Variants in TNK2 observed in about 807,000 individuals in gnomAD.
TNK2 encodes tyrosine kinase non receptor 2.
TNK2 carries 83 observed loss-of-function variants against 101.8 expected under a neutral mutation model. The ratio of observed to expected loss-of-function variants is 0.82; its 90% CI spans 0.68 to 0.98. The LOEUF (loss-of-function observed/expected upper bound fraction) is 0.98. Among genes scored for constraint, TNK2 ranks in the 50% least tolerant of loss-of-function variants. TNK2 has a pLI of 0.00. For synonymous variants in TNK2, 804 were observed against 633.0 expected (o/e 1.27, Z -4.06); for missense variants, 1,665 against 1,483.2 (o/e 1.12, Z -2.01).
chr3:195,885,129 C>T lies in TNK2; in HGVS notation c.235-96G>A, dbSNP rs936556102. 12 of 1,312,070 alleles carry T rather than the reference C, an allele frequency of 9.1e-6. No individual in the cohort carries two copies. Among genetic ancestry groups the T allele is most frequent in the Admixed American group, 2.8e-5 (1 of 36,152 alleles). 81.3% of individuals were successfully genotyped at this position (1,312,070 alleles called of 1,614,324 possible). On this transcript the variant is annotated intron_variant, in intron 3 of 15. Transcript: ENST00000672887. The surrounding 1 kb of genome is among the most constrained non-coding windows in gnomAD (Gnocchi z 4.7). ...GGGTCCACCTGGTGATCCCCGGCTT[C>T]GGCTTCCAGATAGGTCCTGGTTTTG...
rs986308624 is a variant in TNK2, at chr3:195,907,129, G to A, written c.-19+1356C>T. On this transcript the variant is annotated intron_variant, in intron 1 of 15. Coordinates refer to ENST00000672887, the MANE Select transcript of TNK2 (RefSeq NM_001382273.1). ...CAAAAACGCCGACCTGAAATAAGTAGGTGAAGATTGTGTGTATGTGTTTAA... is the reference window on the plus strand; with the variant it reads ...CAAAAACGCCGACCTGAAATAAGTAAGTGAAGATTGTGTGTATGTGTTTAA... Among the ~76,000 whole-genome samples the A allele has an allele frequency of 2.0e-5, 3 of 152,220 alleles. No homozygotes were observed. The East Asian group carries it at 5.8e-4, about 29-fold the overall frequency.
At chr3:195,897,342 A>C (rs1174000162) in intron 1 of TNK2, among the ~76,000 whole-genome samples, 1 of 152,212 alleles carries the variant, frequency 6.6e-6, no homozygotes, top group Non-Finnish European at 1.5e-5. Context: ...GGAGTGATTC[A>C]GACACACGCC....
chr3:195,866,772 A>G lies in TNK2; in HGVS notation c.3161+117T>C, dbSNP rs1741147867. ...GAGCGCCTCCCTCCCGCAGCTGGAGAGCTGTGTCTCCCTGGCCGGGAGCGG... is the reference window on the plus strand; with the variant it reads ...GAGCGCCTCCCTCCCGCAGCTGGAGGGCTGTGTCTCCCTGGCCGGGAGCGG... On this transcript the variant is annotated intron_variant, in intron 15 of 15. Transcript: ENST00000672887. The G allele has an allele frequency of 1.7e-5, 24 of 1,418,350 alleles. No homozygotes were observed. The South Asian group carries it at 3.2e-4, about 19-fold the overall frequency. The allele number at this position is 1,418,350 out of a possible 1,614,324, so 87.9% of individuals were successfully genotyped here.
intron 1 of TNK2, among the ~76,000 whole-genome samples, chr3:195,891,540 CAGGCGTCGTGGCTTTCCGGA>C (rs1433343876): frequency 1.3e-5 from 2 of 152,208 alleles, no homozygotes; most frequent in African/African-American, 4.8e-5. Flanking sequence ...TTAAGAGGAC[CAGGCGTCGTGGCTTTCCGGA>C]AGCAAGCCCA....
Position 195,893,564 on chromosome 3 carries a change from C to T in TNK2, c.-18-4958G>A, listed in dbSNP as rs77456141. ...GCCTAGAGACACTCCATCAAGCCCC[C>T]GTGGGGCCCTCATGTTTCTAGAACT... On this transcript the variant is annotated intron_variant, in intron 1 of 15. Transcript: ENST00000672887. Among the ~76,000 whole-genome samples the T allele has an allele frequency of 8.6e-3, 1,307 of 152,232 alleles. 16 individuals are homozygous for T. Among genetic ancestry groups the T allele is most frequent in the Middle Eastern group, 0.037 (11 of 294 alleles).
Position 195,867,903 on chromosome 3 carries a change from G to A in TNK2, c.2395C>T (p.Leu799=), listed in dbSNP as rs766464064. Residue 799 remains leucine, a synonymous_variant, in exon 13 of 16, where the codon CTG becomes TTG. Transcript: ENST00000672887. The stretch of plus-strand genomic sequence containing the variant: ...GGTGTCCTCGAGCCTTGAGGGGACA[G>A]GGGCTCCCGCGGAGGCACCCGGGGA... The part of the protein sequence containing the change: ...SPPRVPPREP[L]SPQGSRTPSP... The A allele has an allele frequency of 6.5e-7, 1 of 1,532,234 alleles. No individual in the cohort carries two copies. 94.9% of individuals were successfully genotyped at this position (1,532,234 alleles called of 1,614,324 possible).
In TNK2 at chr3:195,890,111, T is replaced by C. The variant is rs979413117; in HGVS notation, c.-18-1505A>G. Among the ~76,000 whole-genome samples the C allele has an allele frequency of 2.6e-5, 4 of 152,186 alleles. No individual in the cohort carries two copies. The East Asian group carries it at 5.8e-4, about 22-fold the overall frequency. On this transcript the variant is annotated intron_variant, in intron 1 of 15. Transcript: ENST00000672887. ...AGTAACAAAGGGGAATGAGAAACTC[T>C]CAGTTCAAATCCTGGCTCTTCCACC...
At chr3:195,894,964 C>G (rs1760013881) in intron 1 of TNK2, among the ~76,000 whole-genome samples, 1 of 152,234 alleles carries the variant, frequency 6.6e-6, no homozygotes, top group African/African-American at 2.4e-5. Context: ...AAGACTGAAC[C>G]CCAATCCTAG....
rs1755417719 is a variant in TNK2, at chr3:195,885,970, T to C, written c.235-937A>G. The C allele has an allele frequency of 5.4e-6, 1 of 186,424 alleles. No individual in the cohort carries two copies. Among genetic ancestry groups the C allele is most frequent in the South Asian group, 1.0e-4 (1 of 9,786 alleles). The allele number at this position is 186,424 out of a possible 1,614,324, so 11.5% of individuals were successfully genotyped here. Reference sequence around the variant, plus strand: ...TCCTCCCAGTAACTAGAATTCCTTATGTTTGCAAGCAATGTTCAGGTTACA... The same window carrying C: ...TCCTCCCAGTAACTAGAATTCCTTACGTTTGCAAGCAATGTTCAGGTTACA... On this transcript the variant is annotated intron_variant, in intron 3 of 15. Coordinates refer to ENST00000672887, the MANE Select transcript of TNK2 (RefSeq NM_001382273.1). This position sits in a 1 kb window ranked among gnomAD's most constrained non-coding sequence, Gnocchi z 4.7.
chr3:195,868,020 T>C lies in TNK2; in HGVS notation c.2278A>G (p.Ile760Val), dbSNP rs777729121. ...DKPQVPPRVPIPPRPTRPHVQ... is the reference protein window; with the variant it reads ...DKPQVPPRVPVPPRPTRPHVQ... ...TGTGGGCGCGTGGGCCGAGGGGGGA[T>C]GGGTACCCGAGGAGGCACCTGGGGC... Residue 760 changes from isoleucine to valine, a missense_variant, in exon 13 of 16, where the codon ATC becomes GTC. Ile to Val is a conservative substitution (Grantham distance 29). Around this residue, in one of 3 missense-constraint regions of TNK2, gnomAD observed 1,136 missense variants for 894.9 expected, o/e 1.27. Transcript: ENST00000672887. 7 of 1,582,616 alleles carry C rather than the reference T, an allele frequency of 4.4e-6. No individual in the cohort carries two copies. In the South Asian group the frequency reaches 4.5e-5, roughly 10 times the overall value.
rs1323410135 is a variant in TNK2, at chr3:195,866,959, C to G, written c.3091G>C (p.Glu1031Gln). Residue 1031 changes from glutamate (E) to glutamine (Q), a missense_variant, in exon 15 of 16, where the codon GAG becomes CAG. This residue lies in a region of TNK2 where 1,136 missense variants were observed against 894.9 expected (regional missense o/e 1.27). Transcript: ENST00000672887. ...RPRGECHKVL[E>Q]MFDWNLEQAG... ...TGCTCCAGGTTCCAGTCGAACATCT[C>G]CAGCACTTTGTGGCACTCCCCTCTG... The G allele has an allele frequency of 2.5e-6, 4 of 1,613,162 alleles. No individual in the cohort carries two copies. The highest frequency in any genetic ancestry group is 3.4e-6 in the Non-Finnish European group (4 of 1,179,866).
At position 195,883,137 on chromosome 3, in the gene TNK2, C is replaced by G; in HGVS notation, c.609+20G>C. ...CCGGAGCCCTCTCCCTGCCCGCCCC[C>G]TCCCGCCCGCAGTACTCACCATCTT... On this transcript the variant is annotated intron_variant, in intron 5 of 15. Transcript: ENST00000672887. 1 of 1,597,642 alleles carries G rather than the reference C, an allele frequency of 6.3e-7. No homozygotes were observed. Among genetic ancestry groups the G allele is most frequent in the South Asian group, 1.1e-5 (1 of 90,964 alleles).
Position 195,892,669 on chromosome 3 carries a change from G to A in TNK2, c.-18-4063C>T, listed in dbSNP as rs1179799882. The A allele has an allele frequency of 5.1e-6, 7 of 1,364,392 alleles. No homozygotes were observed. The East Asian group carries it at 8.0e-5, about 16-fold the overall frequency. 84.5% of individuals were successfully genotyped at this position (1,364,392 alleles called of 1,614,324 possible). A position where few individuals can be genotyped will look rare whatever the true frequency, so the allele number is the denominator to read the frequency against. ...TGGGTTTCCACAGCTGGCCGGTCTG[G>A]CAGGGAGCAGAGCTTTCCTCACGCT... On this transcript the variant is annotated intron_variant, in intron 1 of 15. Transcript: ENST00000672887.
intron 15 of TNK2, among the ~76,000 whole-genome samples, chr3:195,865,710 T>G (rs1291405884): frequency 4.8e-5 from 6 of 123,858 alleles, no homozygotes; most frequent in African/African-American, 6.3e-5. Context: ...CCCGAGACAG[T>G]ATGGGACAGA....
At position 195,883,257 on chromosome 3, in the gene TNK2, G is replaced by A. The variant is rs1194573822; in HGVS notation, c.509C>T (p.Ala170Val). 1.9e-6 allele frequency: 3 copies of A among 1,613,414 alleles called. No homozygotes were observed. The African/African-American group carries it at 4.0e-5, about 22-fold the overall frequency. The stretch of plus-strand genomic sequence containing the variant: ...GACCTCCCGGATGAAGTCGTCCATG[G>A]CTTCTGGCTGGCTCAGGACATCGGG... ...LKPDVLSQPE[A>V]MDDFIREVNA... Residue 170 changes from alanine (A) to valine (V), a missense_variant, in exon 5 of 16, where the codon GCC becomes GTC. Coordinates refer to ENST00000672887, the MANE Select transcript of TNK2 (RefSeq NM_001382273.1).
rs968547463 is a variant in TNK2 at position 195,864,064 on chromosome 3, G to A, written c.*117C>T. 4.9e-5 allele frequency: 70 copies of A among 1,426,030 alleles called. No homozygotes were observed. The highest frequency in any genetic ancestry group is 3.6e-4 in the Middle Eastern group (2 of 5,568). The allele number at this position is 1,426,030 out of a possible 1,614,324, so 88.3% of individuals were successfully genotyped here. On this transcript the variant is annotated 3_prime_UTR_variant, in exon 16 of 16. Coordinates refer to ENST00000672887, the MANE Select transcript of TNK2 (RefSeq NM_001382273.1). ...GCAGCCTTGGCCTTGCTCCATCCCCGGGAGCAGCAGGAGCAGCGGGTCCTC... is the reference window on the plus strand; with the variant it reads ...GCAGCCTTGGCCTTGCTCCATCCCCAGGAGCAGCAGGAGCAGCGGGTCCTC...
At position 195,882,154 on chromosome 3, in the gene TNK2, T is replaced by C. The variant is rs1670122462; in HGVS notation, c.784A>G (p.Thr262Ala). ...TCCCCGATCTTGACCAGGTCGCGGG[T>C]AGCCAACAGCAGATTGCGGGCAGCC... ...DLAARNLLLATRDLVKIGDFG... is the reference protein window; with the variant it reads ...DLAARNLLLAARDLVKIGDFG... The change falls in exon 6 of 16, where the codon ACC becomes GCC. Residue 262 changes from threonine (T) to alanine (A), a missense_variant. Physicochemically the swap from Thr to Ala is moderately conservative, Grantham distance 58. Around this residue, in one of 3 missense-constraint regions of TNK2, gnomAD observed 490 missense variants for 522.5 expected, o/e 0.94. Coordinates refer to ENST00000672887, the MANE Select transcript of TNK2 (RefSeq NM_001382273.1). The surrounding 1 kb of genome is among the most constrained non-coding windows in gnomAD (Gnocchi z 4.2). The C allele has an allele frequency of 6.2e-7, 1 of 1,613,834 alleles. No individual in the cohort carries two copies. Among genetic ancestry groups the C allele is most frequent in the Non-Finnish European group, 8.5e-7 (1 of 1,180,014 alleles).
intron 1 of TNK2, chr3:195,892,781 C>G: frequency 8.2e-7 from 1 of 1,218,516 alleles, no homozygotes; most frequent in African/African-American, 1.6e-5. Context: ...CTTCCCCACC[C>G]AACTGCCCGC....
intron 1 of TNK2, among the ~76,000 whole-genome samples, chr3:195,902,620 AAAAAAAAAAC>A (rs922099175): frequency 2.9e-5 from 4 of 139,790 alleles, no homozygotes; most frequent in South Asian, 2.2e-4. Flanking sequence ...TCCGTCTCAA[AAAAAAAAAAC>A]AAAAAAAAAC....
Sources: gnomAD v4.1 joint callset for allele counts (sites outside exome capture counted in the v4.1 genomes callset) on GRCh38, gnomAD v4.1.1 for gene constraint, gnomAD v4.1.1 regional missense constraint, Gnocchi (gnomAD v3.1) non-coding constraint, MANE v1.5 for transcripts, NCBI Gene and HGNC (gene_info 2026-07-23, HGNC 2026-07-21) for gene names.